Variants in LEF1 observed in about 807,000 individuals in gnomAD.
LEF1 encodes lymphoid enhancer-binding factor 1.
In LEF1, 14 loss-of-function variants were observed where a neutral mutation model predicts 51.2. The ratio of observed to expected loss-of-function variants is 0.27; its 90% CI spans 0.18 to 0.43. The LOEUF (loss-of-function observed/expected upper bound fraction) is 0.43, where lower values mean the gene tolerates loss of function less well. LEF1 is among the 20% of genes least tolerant of loss of function. The pLI, the probability that LEF1 is intolerant of heterozygous loss-of-function variation, is 1.00. For synonymous variants in LEF1, 185 were observed against 183.2 expected, an observed-to-expected ratio of 1.01 and a Z score of -0.08; for missense variants, 386 against 512.0, an observed-to-expected ratio of 0.75 and a Z score of 2.37.
At chr4:108,149,312 AGCCGG>A (rs1428263365) in intron 3 of LEF1, among the ~76,000 whole-genome samples, 1 of 149,996 alleles carries the variant, frequency 6.7e-6, no homozygotes, top group Admixed American at 6.6e-5. Context: ...ACAAAAAATT[AGCCGG>A]GCGTGGTGGC....
At position 108,106,912 on chromosome 4, in the gene LEF1, G is replaced by A. The variant is rs138066749; in HGVS notation, c.415-17655C>T. Among the ~76,000 whole-genome samples, 175 of 152,286 alleles carry A rather than the reference G, an allele frequency of 1.1e-3. 1 individual carries two copies. Among genetic ancestry groups the A allele is most frequent in the African/African-American group, 4.0e-3 (167 of 41,572 alleles). The stretch of plus-strand genomic sequence containing the variant: ...ACAGAGAGAGGAAACCCATCTGCAT[G>A]GAGGCGGACACAGGTTGAAAAATGG... On this transcript the variant is annotated intron_variant, in intron 3 of 11. Transcript: ENST00000265165.
chr4:108,157,545 T>C (rs563103002), intron 3 of LEF1, among the ~76,000 whole-genome samples: 1 of 152,324 alleles, frequency 6.6e-6, no homozygotes, highest in South Asian at 2.1e-4. Context: ...AAGTTCCACA[T>C]AGGGTTATGT....
At chr4:108,081,373 G>A (rs1006444242) in intron 6 of LEF1, among the ~76,000 whole-genome samples, 1 of 152,072 alleles carries the variant, frequency 6.6e-6, no homozygotes, top group Admixed American at 6.6e-5. Context: ...TCCATCGCCC[G>A]ATGGTGTGGC....
intron 4 of LEF1, among the ~76,000 whole-genome samples, chr4:108,088,735 TTC>T (rs1739814140): frequency 1.9e-5 from 1 of 53,672 alleles, no homozygotes; most frequent in African/African-American, 4.6e-5. Flanking sequence ...CCAAAAGAGA[TTC>T]AAAAGAATAA....
chr4:108,067,363 T>A (rs1738146068), intron 9 of LEF1, among the ~76,000 whole-genome samples: 1 of 152,176 alleles, frequency 6.6e-6, no homozygotes, highest in East Asian at 1.9e-4. Flanking sequence ...TTTTAAAAGT[T>A]AAAACTCATT....
intron 3 of LEF1, among the ~76,000 whole-genome samples, chr4:108,108,600 A>ATGTTCT (rs1741324624): frequency 6.6e-6 from 1 of 152,158 alleles, no homozygotes; most frequent in Non-Finnish European, 1.5e-5. Flanking sequence ...GAGCAGCCAC[A>ATGTTCT]CTGTCAGGAG....
intron 3 of LEF1, among the ~76,000 whole-genome samples, chr4:108,113,785 A>G (rs1482859219): frequency 6.6e-6 from 1 of 152,176 alleles, no homozygotes; most frequent in Non-Finnish European, 1.5e-5. Flanking sequence ...AGGATGAAGC[A>G]CTATGTGGCT....
At chr4:108,122,736 T>C (rs1309338490) in intron 3 of LEF1, among the ~76,000 whole-genome samples, 1 of 152,198 alleles carries the variant, frequency 6.6e-6, no homozygotes, top group African/African-American at 2.4e-5. Flanking sequence ...TCCTCCGACC[T>C]TGGCCTCCTA....
At chr4:108,100,388 A>G (rs934155381) in intron 3 of LEF1, among the ~76,000 whole-genome samples, 1 of 152,220 alleles carries the variant, frequency 6.6e-6, no homozygotes, top group African/African-American at 2.4e-5. Flanking sequence ...ACCCATGGAA[A>G]ACTGTAGTAG....
intron 5 of LEF1, 135 bp from the exon 6 acceptor site, chr4:108,081,804 T>C: frequency 1.5e-6 from 1 of 658,480 alleles, no homozygotes; most frequent in Non-Finnish European, 2.7e-6. Flanking sequence ...CGGGATTGTT[T>C]CAGAAACGTA....
chr4:108,078,416 G>A, intron 7 of LEF1, 34 bp from the exon 8 acceptor site: 1 of 1,613,962 alleles, frequency 6.2e-7, no homozygotes, highest in South Asian at 1.1e-5. Context: ...TTAGGGGAAG[G>A]GGTTGAAGGA....
At chr4:108,068,471 A>G (rs968299675) in intron 9 of LEF1, among the ~76,000 whole-genome samples, 2 of 152,176 alleles carry the variant, frequency 1.3e-5, no homozygotes, top group Admixed American at 6.5e-5. Context: ...AAATGGAGTA[A>G]TAATATTCAT....
At chr4:108,084,577 T>C (rs1460274640) in intron 4 of LEF1, among the ~76,000 whole-genome samples, 1 of 152,246 alleles carries the variant, frequency 6.6e-6, no homozygotes, top group Admixed American at 6.5e-5. Context: ...AAGTTGGTGT[T>C]AATTCAACTT....
At chr4:108,129,243 T>C (rs568169422) in intron 3 of LEF1, among the ~76,000 whole-genome samples, 45 of 152,194 alleles carry the variant, frequency 3.0e-4, no homozygotes, top group Non-Finnish European at 4.7e-4. Context: ...TCCACATTGT[T>C]TCTACCATAA....
chr4:108,147,579 T>C (rs1560823250), intron 3 of LEF1, among the ~76,000 whole-genome samples: 1 of 152,228 alleles, frequency 6.6e-6, no homozygotes, highest in Non-Finnish European at 1.5e-5. Context: ...TCCTGTATTA[T>C]GTAACTTTTT....
In LEF1 at chr4:108,081,154, CT is replaced by C. The variant is rs1156451664; in HGVS notation, c.722+431del. On this transcript the variant is annotated intron_variant, in intron 6 of 11. Coordinates refer to ENST00000265165, the MANE Select transcript of LEF1 (RefSeq NM_016269.5). Reference sequence around the variant, plus strand: ...TAGACTATCTGGGCATTTTCAAACACTGCCGCATCAAACTGATACAACTTTC... The same window carrying C: ...TAGACTATCTGGGCATTTTCAAACACGCCGCATCAAACTGATACAACTTTC... Among the ~76,000 whole-genome samples, 8 of 152,296 alleles carry C rather than the reference CT, an allele frequency of 5.3e-5. No homozygotes were observed. In the South Asian group the frequency reaches 1.0e-3, roughly 20 times the overall value.
At chr4:108,127,544 G>A (rs1742623710) in intron 3 of LEF1, among the ~76,000 whole-genome samples, 1 of 152,146 alleles carries the variant, frequency 6.6e-6, no homozygotes, top group African/African-American at 2.4e-5. Flanking sequence ...TAAATGTTAT[G>A]TTCTCTCTCC....
At chr4:108,090,429 A>G (rs1002511587) in intron 3 of LEF1, among the ~76,000 whole-genome samples, 14 of 152,294 alleles carry the variant, frequency 9.2e-5, no homozygotes, top group African/African-American at 3.4e-4. Flanking sequence ...GACTTCATCA[A>G]TTTGAAATCT....
chr4:108,139,766 GT>G lies in LEF1; in HGVS notation c.414+23801del, dbSNP rs1244609993. ...AAACAATTGAGTAAACTAGTTTATT[GT>G]TTTCTAAAAATATGTAAAAATGTAA... is the stretch of plus-strand genomic sequence containing the variant. On this transcript the variant is annotated intron_variant, in intron 3 of 11. Transcript: ENST00000265165. Among the ~76,000 whole-genome samples the G allele has an allele frequency of 2.6e-5, 4 of 152,182 alleles. No individual in the cohort carries two copies. In the East Asian group the frequency reaches 5.8e-4, roughly 22 times the overall value.
Sources: gnomAD v4.1 joint callset for allele counts (sites outside exome capture counted in the v4.1 genomes callset) on GRCh38, gnomAD v4.1.1 for gene constraint, MANE v1.5 for transcripts, NCBI Gene and HGNC (gene_info 2026-07-23, HGNC 2026-07-21) for gene names.